Variants in BORCS5 observed in about 807,000 individuals in gnomAD.
BORCS5 encodes the protein BLOC-1 related complex subunit 5.
In BORCS5, 17 loss-of-function variants were observed where a neutral mutation model predicts 22.1. That is an observed-to-expected ratio of 0.77 (90% confidence interval 0.53 to 1.15). The LOEUF (loss-of-function observed/expected upper bound fraction) is 1.15, where lower values mean the gene tolerates loss of function less well. Ranked by LOEUF, BORCS5 falls within the 50% of genes most tolerant of loss-of-function variation. The pLI is 0.00. For missense variants in BORCS5, 247 were observed against 253.2 expected, an observed-to-expected ratio of 0.98 and a Z score of 0.17; for synonymous variants, 117 against 99.8, an observed-to-expected ratio of 1.17 and a Z score of -1.03.
chr12:12,409,250 T>C (rs1258951281), intron 2 of BORCS5, among the ~76,000 whole-genome samples: 1 of 152,132 alleles, frequency 6.6e-6, no homozygotes, highest in African/African-American at 2.4e-5. Flanking sequence ...CTTTAAGTTT[T>C]AGGGTACATG....
At chr12:12,378,368 T>C (rs1863701092) in intron 2 of BORCS5, among the ~76,000 whole-genome samples, 1 of 152,016 alleles carries the variant, frequency 6.6e-6, no homozygotes, top group Admixed American at 6.6e-5. Context: ...TGAGACTCCG[T>C]CTCCAAAAAA....
In BORCS5 at chr12:12,466,784, AG is replaced by A. The variant is rs1277827148; in HGVS notation, c.*1010del. 1 of 152,334 alleles carries A rather than the reference AG, an allele frequency of 6.6e-6. No homozygotes were observed. Among genetic ancestry groups the A allele is most frequent in the Non-Finnish European group, 1.5e-5 (1 of 68,106 alleles). 9.4% of individuals were successfully genotyped at this position (152,334 alleles called of 1,614,324 possible). On this transcript the variant is annotated 3_prime_UTR_variant, in exon 4 of 4. Coordinates refer to ENST00000314565, the MANE Select transcript of BORCS5 (RefSeq NM_058169.6). ...AGAGCTGAAGGGAGTCGCTGGGGCCAGGACGGCATGCAGGCCTGTACCCTGT... is the reference window on the plus strand; with the variant it reads ...AGAGCTGAAGGGAGTCGCTGGGGCCAGACGGCATGCAGGCCTGTACCCTGT...
chr12:12,374,939 A>G (rs1863614858), intron 2 of BORCS5, among the ~76,000 whole-genome samples: 1 of 147,044 alleles, frequency 6.8e-6, no homozygotes, highest in Non-Finnish European at 1.5e-5. Flanking sequence ...TGGGTGACAG[A>G]GTGAGACTGT....
At chr12:12,426,764 A>G (rs780119663) in intron 2 of BORCS5, among the ~76,000 whole-genome samples, 7 of 152,236 alleles carry the variant, frequency 4.6e-5, no homozygotes, top group Non-Finnish European at 1.0e-4. Context: ...CAAAGATGTA[A>G]GATAAATTGT....
intron 2 of BORCS5, among the ~76,000 whole-genome samples, chr12:12,404,990 C>T (rs148996305): frequency 9.5e-4 from 144 of 152,272 alleles, no homozygotes; most frequent in African/African-American, 3.2e-3. Flanking sequence ...CATGAGCCAC[C>T]GCGCCCGGCC....
intron 2 of BORCS5, among the ~76,000 whole-genome samples, chr12:12,374,718 G>A (rs895217533): frequency 6.6e-6 from 1 of 152,018 alleles, no homozygotes; most frequent in Non-Finnish European, 1.5e-5. Context: ...AGCACTTTGG[G>A]AGGCTGAGGT....
intron 2 of BORCS5, among the ~76,000 whole-genome samples, chr12:12,415,643 T>C (rs1941926678): frequency 6.6e-6 from 1 of 151,000 alleles, no homozygotes; most frequent in South Asian, 2.1e-4. Flanking sequence ...TTGATTTTCG[T>C]GTGTTGAATC....
intron 2 of BORCS5, among the ~76,000 whole-genome samples, chr12:12,396,810 G>A (rs1941359661): frequency 6.6e-6 from 1 of 152,172 alleles, no homozygotes. Flanking sequence ...ATAAAATAAT[G>A]TTTTTAAATG....
chr12:12,442,965 C>A (rs116117689), intron 3 of BORCS5, among the ~76,000 whole-genome samples: 2 of 152,140 alleles, frequency 1.3e-5, no homozygotes, highest in Non-Finnish European at 2.9e-5. Context: ...ACTGTGTGTC[C>A]TCCCAGGGAG....
rs548702162 is a variant in BORCS5 at position 12,410,784 on chromosome 12, G to A, written c.203-24844G>A. 3.9e-5 allele frequency among the ~76,000 whole-genome samples: 6 copies of A among 152,272 alleles called. No homozygotes were observed. The South Asian group carries it at 1.2e-3, about 32-fold the overall frequency. On this transcript the variant is annotated intron_variant, in intron 2 of 3. Coordinates refer to ENST00000314565, the MANE Select transcript of BORCS5 (RefSeq NM_058169.6). ...TGAAGAAAGTCATTGGTAGCTTGAT[G>A]GGGATGGCATTGAATCTATAAATTA...
chr12:12,461,123 A>G (rs1354394443), intron 3 of BORCS5, among the ~76,000 whole-genome samples: 1 of 151,924 alleles, frequency 6.6e-6, no homozygotes, highest in African/African-American at 2.4e-5. Flanking sequence ...AGCTTGAGTA[A>G]ATGATGAGTT....
intron 2 of BORCS5, among the ~76,000 whole-genome samples, chr12:12,381,107 G>C (rs1592069032): frequency 6.7e-6 from 1 of 150,042 alleles, no homozygotes; most frequent in Middle Eastern, 3.2e-3. Context: ...CACCTCCTGG[G>C]TTCAAGCAGT....
At chr12:12,453,471 A>C (rs1250911228) in intron 3 of BORCS5, among the ~76,000 whole-genome samples, 1 of 152,204 alleles carries the variant, frequency 6.6e-6, no homozygotes, top group Non-Finnish European at 1.5e-5. Context: ...AATTTGTTTT[A>C]GAGCCACTTT....
intron 2 of BORCS5, among the ~76,000 whole-genome samples, chr12:12,362,636 CT>C (rs71436712): frequency 4.1e-3 from 238 of 57,580 alleles, no homozygotes; most frequent in African/African-American, 6.7e-3. Context: ...TGTTACTCAT[CT>C]TTTTTTTTTT....
intron 3 of BORCS5, among the ~76,000 whole-genome samples, chr12:12,446,448 C>T (rs1407606491): frequency 1.3e-5 from 2 of 152,180 alleles, no homozygotes; most frequent in Admixed American, 1.3e-4. Flanking sequence ...CCAATGGCAA[C>T]CCCAAATCCC....
chr12:12,427,997 A>T (rs987964017), intron 2 of BORCS5, among the ~76,000 whole-genome samples: 2 of 152,156 alleles, frequency 1.3e-5, no homozygotes, highest in South Asian at 2.1e-4. Context: ...ATACGGGGGA[A>T]TTTTCTTTTT....
chr12:12,433,369 C>T (rs184937661), intron 2 of BORCS5, among the ~76,000 whole-genome samples: 30 of 146,730 alleles, frequency 2.0e-4, no homozygotes, highest in African/African-American at 6.4e-4. Flanking sequence ...CCGGGTGCAG[C>T]GGCATACTCC....
At chr12:12,457,711 A>G (rs1455626087) in intron 3 of BORCS5, among the ~76,000 whole-genome samples, 2 of 152,322 alleles carry the variant, frequency 1.3e-5, no homozygotes, top group African/African-American at 4.8e-5. Context: ...TCAGATGTCT[A>G]AACAGGTCAT....
chr12:12,425,629 G>A (rs576456089), intron 2 of BORCS5, among the ~76,000 whole-genome samples: 2 of 152,270 alleles, frequency 1.3e-5, no homozygotes, highest in African/African-American at 2.4e-5. Flanking sequence ...TTGGCTGTTT[G>A]TATATCTCCT....
Sources: allele counts gnomAD v4.1 joint callset (sites outside exome capture counted in the v4.1 genomes callset), GRCh38; gene constraint gnomAD v4.1.1; transcripts MANE v1.5; gene names NCBI Gene and HGNC (gene_info 2026-07-23, HGNC 2026-07-21).